Variants in RAD9B observed in about 807,000 individuals in gnomAD.
RAD9B encodes the protein RAD9 checkpoint clamp component B, also known as cell cycle checkpoint control protein RAD9B.
Under a neutral mutation model 48.3 loss-of-function variants are expected in RAD9B, and 41 were observed. The ratio of observed to expected loss-of-function variants is 0.85; its 90% confidence interval spans 0.66 to 1.10. The LOEUF is 1.10. RAD9B is among the 50% of genes least tolerant of loss of function. RAD9B has a pLI of 0.00. For synonymous variants in RAD9B, 160 were observed against 157.9 expected, an observed-to-expected ratio of 1.01 and a Z score of -0.10; for missense variants, 444 against 485.1, an observed-to-expected ratio of 0.92 and a Z score of 0.80.
Position 110,505,697 on chromosome 12 carries a change from A to T in RAD9B, c.198A>T (p.Gln66His). Residue 66 changes from glutamine (Q) to histidine (H), a missense_variant, in exon 3 of 11, where the codon CAA becomes CAT. Coordinates refer to ENST00000409300, the MANE Select transcript of RAD9B (RefSeq NM_001286535.2). ...LFSPVFFQHY[Q>H]WSALVKMSEN... is the part of the protein sequence containing the mutation. Reference sequence around the variant, plus strand: ...CTCCTGTGTTTTTTCAGCATTATCAATGGTCAGCTTTAGTGAAAATGAGTG... The same window carrying T: ...CTCCTGTGTTTTTTCAGCATTATCATTGGTCAGCTTTAGTGAAAATGAGTG... 1.2e-6 allele frequency: 2 copies of T among 1,604,442 alleles called. No individual in the cohort carries two copies. Among genetic ancestry groups the T allele is most frequent in the Non-Finnish European group, 1.7e-6 (2 of 1,174,942 alleles).
At chr12:110,528,432 G>A (rs547134552) in intron 10 of RAD9B, among the ~76,000 whole-genome samples, 1 of 152,172 alleles carries the variant, frequency 6.6e-6, no homozygotes, top group Non-Finnish European at 1.5e-5. Context: ...TGCATGTAGC[G>A]GGTAAAGACC....
At chr12:110,514,027 CCCTTCCTTCCTTCCTT>C (rs56718609) in intron 5 of RAD9B, among the ~76,000 whole-genome samples, 1 of 150,724 alleles carries the variant, frequency 6.6e-6, no homozygotes, top group African/African-American at 2.4e-5. Context: ...CACATCTGGT[CCCTTCCTTCCTTCCTT>C]CCTTCCTTCC....
intron 10 of RAD9B, among the ~76,000 whole-genome samples, chr12:110,530,039 T>C (rs1262877752): frequency 1.3e-5 from 2 of 151,962 alleles, no homozygotes; most frequent in Non-Finnish European, 2.9e-5. Context: ...AGGGAAAGGT[T>C]TGTTTTTTTT....
At chr12:110,511,916 G>A (rs893261861) in intron 4 of RAD9B, among the ~76,000 whole-genome samples, 4 of 150,994 alleles carry the variant, frequency 2.6e-5, no homozygotes, top group African/African-American at 7.3e-5. Context: ...GCACGATCTC[G>A]GCTCACTGCA....
At chr12:110,526,996 C>T (rs1027490489) in intron 10 of RAD9B, among the ~76,000 whole-genome samples, 1 of 151,942 alleles carries the variant, frequency 6.6e-6, no homozygotes, top group African/African-American at 2.4e-5. Context: ...AACAAATTGC[C>T]ACAAATTTAG....
rs2135709236 is a variant in RAD9B at position 110,519,702 on chromosome 12, C to G, written c.768-92C>G. The G allele has an allele frequency of 1.1e-5, 15 of 1,428,130 alleles. No homozygotes were observed. In the South Asian group the frequency reaches 2.3e-4, roughly 21 times the overall value. The allele number at this position is 1,428,130 out of a possible 1,614,324, so 88.5% of individuals were successfully genotyped here. ...CCACCCGCCTTGGCCTCCCCTGTTT[C>G]TTTTTAGTCCAGAATTAAGTATCAT... On this transcript the variant is annotated intron_variant, in intron 8 of 10. Transcript: ENST00000409300.
chr12:110,526,483 C>T (rs377492888), intron 10 of RAD9B, among the ~76,000 whole-genome samples: 112 of 152,318 alleles, frequency 7.4e-4, no homozygotes, highest in African/African-American at 2.6e-3. Context: ...TCATATAGCA[C>T]CACAAACATT....
intron 6 of RAD9B, among the ~76,000 whole-genome samples, chr12:110,515,811 G>A (rs186485933): frequency 4.6e-5 from 7 of 152,312 alleles, no homozygotes; most frequent in African/African-American, 1.4e-4. Flanking sequence ...CAGGGCTTAA[G>A]TTGGGTCACA....
intron 6 of RAD9B, 124 bp from the exon 7 acceptor site, chr12:110,518,552 G>A: frequency 1.8e-6 from 1 of 566,426 alleles, no homozygotes; most frequent in Non-Finnish European, 3.1e-6. Context: ...ATCAGGTGGG[G>A]AAGTTAGGGT....
intron 1 of RAD9B, 40 bp downstream of exon 1, chr12:110,502,423 A>G (rs1470920812): frequency 6.2e-7 from 1 of 1,609,196 alleles, no homozygotes; most frequent in South Asian, 1.1e-5. Context: ...AGCAGAGAGA[A>G]AAGCAGACGT....
At chr12:110,521,901 G>A (rs992659214) in intron 9 of RAD9B, among the ~76,000 whole-genome samples, 2 of 152,102 alleles carry the variant, frequency 1.3e-5, no homozygotes, top group East Asian at 3.8e-4. Flanking sequence ...TCATATAGAT[G>A]TATAGTAATT....
chr12:110,502,405 T>C (rs761548720), intron 1 of RAD9B, 22 bp downstream of exon 1: 1 of 1,612,872 alleles, frequency 6.2e-7, no homozygotes, highest in Non-Finnish European at 8.5e-7. Context: ...TTTGTTGTCT[T>C]CCCATTTAGC....
chr12:110,518,114 C>T (rs2063665487), intron 6 of RAD9B, among the ~76,000 whole-genome samples: 1 of 152,052 alleles, frequency 6.6e-6, no homozygotes, highest in African/African-American at 2.4e-5. Flanking sequence ...TGGCGTGAAC[C>T]CGGGAGGCAC....
chr12:110,515,215 C>CTAAA (rs1431208564), intron 6 of RAD9B, 59 bp downstream of exon 6: 1 of 819,480 alleles, frequency 1.2e-6, no homozygotes, highest in Non-Finnish European at 2.0e-6. Context: ...CTCTCGATTA[C>CTAAA]TAACCATACT....
Position 110,506,537 on chromosome 12 carries a change from A to G in RAD9B, c.274-42A>G, listed in dbSNP as rs375739328. 3 of 983,296 alleles carry G rather than the reference A, an allele frequency of 3.1e-6. No individual in the cohort carries two copies. In the South Asian group the frequency reaches 3.9e-5, roughly 13 times the overall value. 60.9% of individuals were successfully genotyped at this position (983,296 alleles called of 1,614,324 possible). A position where few individuals can be genotyped will look rare whatever the true frequency, so the allele number is the denominator to read the frequency against. On this transcript the variant is annotated intron_variant, in intron 3 of 10. Transcript: ENST00000409300. Reference sequence around the variant, plus strand: ...ATACTTTTGTTTCTAAAATGAATCAACCATGTTAAGTATGTGCTTAATATG... The same window carrying G: ...ATACTTTTGTTTCTAAAATGAATCAGCCATGTTAAGTATGTGCTTAATATG...
chr12:110,506,662 C>T lies in RAD9B; in HGVS notation c.357C>T (p.Cys119=). The change falls in exon 4 of 11, where the codon TGC becomes TGT. Residue 119 remains cysteine, a synonymous_variant. Coordinates refer to ENST00000409300, the MANE Select transcript of RAD9B (RefSeq NM_001286535.2). ...GAATATTCACCAGATCTGATAAATG[C>T]AAAGTAGTTATTCAATTCTTCTACA... is the stretch of plus-strand genomic sequence containing the variant. The part of the protein sequence containing the change: ...KCRIFTRSDK[C]KVVIQFFYRH... The T allele has an allele frequency of 6.3e-7, 1 of 1,582,338 alleles. No individual in the cohort carries two copies. Among genetic ancestry groups the T allele is most frequent in the Non-Finnish European group, 8.7e-7 (1 of 1,152,282 alleles).
At chr12:110,518,411 G>A (rs968252264) in intron 6 of RAD9B, among the ~76,000 whole-genome samples, 1 of 151,976 alleles carries the variant, frequency 6.6e-6, no homozygotes, top group African/African-American at 2.4e-5. Flanking sequence ...TAAGAAATCT[G>A]GTATTTAAAC....
chr12:110,513,296 T>C (rs926432102), intron 5 of RAD9B, among the ~76,000 whole-genome samples: 1 of 151,992 alleles, frequency 6.6e-6, no homozygotes, highest in African/African-American at 2.4e-5. Context: ...AAGCTGAAAT[T>C]TGACTTGGAG....
chr12:110,514,512 C>T (rs1039472079), intron 5 of RAD9B, among the ~76,000 whole-genome samples: 1 of 152,146 alleles, frequency 6.6e-6, no homozygotes, highest in African/African-American at 2.4e-5. Flanking sequence ...CTCAATAAAA[C>T]TGTTTTTGAA....
Sources: allele counts gnomAD v4.1 joint callset (sites outside exome capture counted in the v4.1 genomes callset), GRCh38; gene constraint gnomAD v4.1.1; transcripts MANE v1.5; gene names NCBI Gene and HGNC (gene_info 2026-07-23, HGNC 2026-07-21).